Variants in SPIN1 observed in about 807,000 individuals in gnomAD.
The protein encoded by SPIN1 is spindlin 1.
Under a neutral mutation model 26.0 loss-of-function variants are expected in SPIN1, and 3 were observed. The observed-to-expected ratio is 0.12, with a 90% CI of 0.05 to 0.30. SPIN1 has a LOEUF of 0.30. Among genes scored for constraint, SPIN1 ranks in the 10% least tolerant of loss-of-function variants. SPIN1 has a pLI of 1.00. For synonymous variants in SPIN1, 101 were observed against 116.5 expected (o/e 0.87, Z 0.86); for missense variants, 126 against 333.4 (o/e 0.38, Z 4.84).
chr9:88,402,284 C>T (rs1338027259), intron 1 of SPIN1, among the ~76,000 whole-genome samples: 2 of 152,146 alleles, frequency 1.3e-5, no homozygotes, highest in African/African-American at 2.4e-5. Flanking sequence ...TGAACTACTG[C>T]GCCTCGTTGA....
chr9:88,435,173 A>T (rs1042581101), intron 2 of SPIN1, among the ~76,000 whole-genome samples: 2 of 151,154 alleles, frequency 1.3e-5, no homozygotes, highest in Admixed American at 6.6e-5. Context: ...ATCTCACCAG[A>T]TTGCCCTCCA....
At chr9:88,412,547 T>C (rs560289749) in intron 1 of SPIN1, among the ~76,000 whole-genome samples, 2 of 152,298 alleles carry the variant, frequency 1.3e-5, no homozygotes, top group South Asian at 4.1e-4. Flanking sequence ...GCCAGTTTTA[T>C]GAAACCTATG....
intron 2 of SPIN1, among the ~76,000 whole-genome samples, chr9:88,431,045 G>T (rs939858789): frequency 1.3e-5 from 2 of 151,942 alleles, no homozygotes; most frequent in Non-Finnish European, 2.9e-5. Context: ...ACCACACTCG[G>T]CTAACTTTTT....
At chr9:88,429,202 A>G (rs1827817533) in intron 2 of SPIN1, among the ~76,000 whole-genome samples, 1 of 152,184 alleles carries the variant, frequency 6.6e-6, no homozygotes, top group Non-Finnish European at 1.5e-5. Context: ...AATACAACAC[A>G]GCACCTCTGG....
chr9:88,436,339 T>C (rs1194364372), intron 2 of SPIN1, among the ~76,000 whole-genome samples: 1 of 152,156 alleles, frequency 6.6e-6, no homozygotes, highest in Non-Finnish European at 1.5e-5. Context: ...CGGGCTCTAT[T>C]TTTTTAGAGC....
chr9:88,448,880 C>T, intron 2 of SPIN1, 61 bp from the exon 3 acceptor site: 1 of 1,512,140 alleles, frequency 6.6e-7, no homozygotes, highest in Non-Finnish European at 9.1e-7. Flanking sequence ...TTAAGATTTC[C>T]TGCATTCTGA....
intron 1 of SPIN1, among the ~76,000 whole-genome samples, chr9:88,393,454 T>G (rs1826977581): frequency 1.7e-5 from 2 of 118,514 alleles, no homozygotes; most frequent in Non-Finnish European, 1.8e-5. Flanking sequence ...GGTTTTTTTT[T>G]TTTTTTTTTT....
At chr9:88,463,617 C>T (rs1323241702) in intron 4 of SPIN1, among the ~76,000 whole-genome samples, 3 of 152,132 alleles carry the variant, frequency 2.0e-5, no homozygotes, top group Admixed American at 6.5e-5. Flanking sequence ...TGGGATATAA[C>T]GAGTTTCCTT....
At chr9:88,474,129 A>G (rs190933586) in intron 5 of SPIN1, among the ~76,000 whole-genome samples, 30 of 152,284 alleles carry the variant, frequency 2.0e-4, no homozygotes, top group South Asian at 4.1e-4. Context: ...ATTACTACCA[A>G]TTGTGCCAGG....
chr9:88,438,000 A>G (rs1414651640), intron 2 of SPIN1, among the ~76,000 whole-genome samples: 2 of 151,996 alleles, frequency 1.3e-5, no homozygotes, highest in Non-Finnish European at 2.9e-5. Flanking sequence ...AAAAATAGAA[A>G]GATTAGCTGG....
At chr9:88,393,027 G>A (rs958011563) in intron 1 of SPIN1, among the ~76,000 whole-genome samples, 1 of 152,072 alleles carries the variant, frequency 6.6e-6, no homozygotes, top group Non-Finnish European at 1.5e-5. Flanking sequence ...TGCCCATGTA[G>A]GATCTTTAAT....
At chr9:88,447,245 C>T (rs1217977912) in intron 2 of SPIN1, among the ~76,000 whole-genome samples, 2 of 151,936 alleles carry the variant, frequency 1.3e-5, no homozygotes, top group Admixed American at 6.6e-5. Context: ...TTATATTTTC[C>T]ATTTTGTATT....
chr9:88,469,517 G>A (rs999700872), intron 5 of SPIN1, among the ~76,000 whole-genome samples: 1 of 152,188 alleles, frequency 6.6e-6, no homozygotes, highest in Non-Finnish European at 1.5e-5. Context: ...CTTTATTGTG[G>A]TTTTTGTTTT....
rs557590290 is a variant in SPIN1 at position 88,476,078 on chromosome 9, T to G, written c.*801T>G. On this transcript the variant is annotated 3_prime_UTR_variant, in exon 6 of 6. Transcript: ENST00000375859. Reference sequence around the variant, plus strand: ...CTACCTTTAATTCTAAGCTTCATTTTTTTTTGGGGGGGGGTTACATTTTAA... The same window carrying G: ...CTACCTTTAATTCTAAGCTTCATTTGTTTTTGGGGGGGGGTTACATTTTAA... The G allele has an allele frequency of 7.2e-6, 1 of 138,596 alleles. No individual in the cohort carries two copies. Among genetic ancestry groups the G allele is most frequent in the Admixed American group, 6.7e-5 (1 of 14,822 alleles). The allele number at this position is 138,596 out of a possible 1,614,324, so 8.6% of individuals were successfully genotyped here. A position where few individuals can be genotyped will look rare whatever the true frequency, so the allele number is the denominator to read the frequency against.
intron 2 of SPIN1, among the ~76,000 whole-genome samples, chr9:88,442,253 A>G (rs1346197243): frequency 6.6e-6 from 1 of 151,904 alleles, no homozygotes; most frequent in Non-Finnish European, 1.5e-5. Context: ...TCTGCAGGAT[A>G]TAAAACTGTA....
chr9:88,410,630 A>G, intron 1 of SPIN1: 3 of 1,063,828 alleles, frequency 2.8e-6, no homozygotes, highest in Middle Eastern at 5.9e-4. Context: ...CCACCACCAT[A>G]GGGGCCAGAG....
At chr9:88,439,253 T>C (rs1014174904) in intron 2 of SPIN1, among the ~76,000 whole-genome samples, 17 of 152,186 alleles carry the variant, frequency 1.1e-4, no homozygotes, top group South Asian at 2.1e-4. Context: ...TAAGAACTTA[T>C]GTGTGAATTC....
intron 1 of SPIN1, among the ~76,000 whole-genome samples, chr9:88,392,185 G>A (rs1251851719): frequency 1.3e-5 from 2 of 151,986 alleles, no homozygotes; most frequent in Non-Finnish European, 2.9e-5. Flanking sequence ...GTAGTTATTA[G>A]CATTTTTTTA....
At chr9:88,448,575 C>G (rs1828298201) in intron 2 of SPIN1, among the ~76,000 whole-genome samples, 1 of 152,158 alleles carries the variant, frequency 6.6e-6, no homozygotes, top group Non-Finnish European at 1.5e-5. Flanking sequence ...TCTCGAACTC[C>G]TGGCCTCAGC....
Sources: gnomAD v4.1 joint callset for allele counts (sites outside exome capture counted in the v4.1 genomes callset) on GRCh38, gnomAD v4.1.1 for gene constraint, MANE v1.5 for transcripts, NCBI Gene and HGNC (gene_info 2026-07-23, HGNC 2026-07-21) for gene names.